Variants in MIA2 observed in about 807,000 individuals in gnomAD.
The protein encoded by MIA2 is melanoma inhibitory activity protein 2.
Under a neutral mutation model 167.8 loss-of-function variants are expected in MIA2, and 127 were observed. The observed-to-expected ratio is 0.76, with a 90% confidence interval of 0.66 to 0.88. The LOEUF (loss-of-function observed/expected upper bound fraction) is 0.88. MIA2 is among the 40% of genes least tolerant of loss of function. The pLI is 0.00. For synonymous variants in MIA2, 552 were observed against 541.9 expected (o/e 1.02, Z -0.26); for missense variants, 1,690 against 1,624.7 (o/e 1.04, Z -0.69).
intron 24 of MIA2, among the ~76,000 whole-genome samples, chr14:39,321,639 T>C (rs2066461582): frequency 6.6e-6 from 1 of 151,964 alleles, no homozygotes; most frequent in African/African-American, 2.4e-5. Flanking sequence ...TTTTAAACCA[T>C]ATTTTTGACT....
chr14:39,342,475 T>A (rs61398943), intron 25 of MIA2, among the ~76,000 whole-genome samples: 30,031 of 152,084 alleles, frequency 0.2, 2,974 homozygotes, highest in Middle Eastern at 0.28. Context: ...TAAACATATG[T>A]GTGCATGTGT....
intron 25 of MIA2, among the ~76,000 whole-genome samples, chr14:39,333,261 T>C (rs568069491): frequency 2.0e-5 from 3 of 152,336 alleles, no homozygotes; most frequent in African/African-American, 7.2e-5. Flanking sequence ...GATTCTATTC[T>C]ATTCCTCTAA....
chr14:39,307,390 ATTTTTTTTTTTTTTTT>A (rs373046158), intron 17 of MIA2, among the ~76,000 whole-genome samples: 1 of 67,484 alleles, frequency 1.5e-5, no homozygotes. Flanking sequence ...AGTTAAAAGA[ATTTTTTTTTTTTTTTT>A]TTTTTTTTTT....
At chr14:39,322,413 C>T (rs1204974598) in intron 24 of MIA2, among the ~76,000 whole-genome samples, 2 of 151,714 alleles carry the variant, frequency 1.3e-5, no homozygotes, top group East Asian at 1.9e-4. Context: ...TGGTGGTGGG[C>T]GCCTGTAGTC....
intron 24 of MIA2, among the ~76,000 whole-genome samples, chr14:39,323,901 T>A (rs985399862): frequency 6.6e-6 from 1 of 152,226 alleles, no homozygotes; most frequent in African/African-American, 2.4e-5. Context: ...ACCATTTGTT[T>A]AAAAAGCTAC....
intron 15 of MIA2, 62 bp downstream of exon 15, chr14:39,302,311 C>T (rs771625869): frequency 1.7e-4 from 271 of 1,576,346 alleles, no homozygotes; most frequent in Non-Finnish European, 2.2e-4. Context: ...ATTTCCTTTT[C>T]GTTCCCTGTG....
intron 23 of MIA2, among the ~76,000 whole-genome samples, chr14:39,371,227 C>A (rs1016170013): frequency 6.6e-6 from 1 of 151,784 alleles, no homozygotes; most frequent in Non-Finnish European, 1.5e-5. Context: ...TATTAAATAT[C>A]TTTATTTATT....
At chr14:39,321,480 A>AT (rs1346594331) in intron 24 of MIA2, among the ~76,000 whole-genome samples, 3 of 149,652 alleles carry the variant, frequency 2.0e-5, no homozygotes, top group African/African-American at 4.9e-5. Flanking sequence ...TGCCCGGCTA[A>AT]TTTTTTTTTG....
At chr14:39,235,914 C>T (rs1040916791) in intron 1 of MIA2, among the ~76,000 whole-genome samples, 18 of 151,998 alleles carry the variant, frequency 1.2e-4, no homozygotes, top group Non-Finnish European at 2.5e-4. Context: ...GTTATTTTAA[C>T]TTTAATTGCA....
chr14:39,359,491 T>C (rs963888445), intron 23 of MIA2, among the ~76,000 whole-genome samples: 1 of 152,208 alleles, frequency 6.6e-6, no homozygotes, highest in Non-Finnish European at 1.5e-5. Context: ...CCTGACTCCT[T>C]GCGCTTCCCA....
At chr14:39,295,205 G>C (rs971547732) in intron 13 of MIA2, among the ~76,000 whole-genome samples, 176 bp downstream of exon 13, 2 of 152,166 alleles carry the variant, frequency 1.3e-5, no homozygotes, top group African/African-American at 4.8e-5. Flanking sequence ...ATACAAAAGT[G>C]TATACTTTTG....
rs115064369 is a variant in MIA2 at position 39,338,489 on chromosome 14, T to A, written c.3656-7415T>A. On this transcript the variant is annotated intron_variant, in intron 25 of 28. Coordinates refer to ENST00000640607, the MANE Select transcript of MIA2 (RefSeq NM_001329214.4). ...TAACACTCAGATAAAGGGATAGTTTTCAGTTTGGTTTTTCATAAGTTTAAT... is the reference window on the plus strand; with the variant it reads ...TAACACTCAGATAAAGGGATAGTTTACAGTTTGGTTTTTCATAAGTTTAAT... Among the ~76,000 whole-genome samples the A allele has an allele frequency of 6.9e-3, 1,056 of 152,342 alleles. 9 individuals are homozygous for A. The highest frequency in any genetic ancestry group is 0.02 in the African/African-American group (820 of 41,576).
At position 39,253,055 on chromosome 14, in the gene MIA2, AT is replaced by A; in HGVS notation, c.1787-13del. ...TATAATATCATGCTAACATATTTTTATTTATAAATCAACAGAAGATGCTTCT... is the reference window on the plus strand; with the variant it reads ...TATAATATCATGCTAACATATTTTTATTATAAATCAACAGAAGATGCTTCT... On this transcript the variant is annotated splice_polypyrimidine_tract_variant and intron_variant, in intron 5 of 28. Coordinates refer to ENST00000640607, the MANE Select transcript of MIA2 (RefSeq NM_001329214.4). 6.4e-7 allele frequency: 1 copy of A among 1,573,546 alleles called. No homozygotes were observed. Among genetic ancestry groups the A allele is most frequent in the Non-Finnish European group, 8.6e-7 (1 of 1,157,822 alleles).
At chr14:39,295,108 C>T (rs1199821551) in intron 13 of MIA2, 79 bp downstream of exon 13, 1 of 969,236 alleles carries the variant, frequency 1.0e-6, no homozygotes, top group African/African-American at 1.6e-5. Context: ...CTGACCCATG[C>T]TAGGGACAAG....
chr14:39,286,042 TG>T (rs896873653), intron 9 of MIA2, among the ~76,000 whole-genome samples: 110 of 151,762 alleles, frequency 7.2e-4, no homozygotes, highest in African/African-American at 2.5e-3. Context: ...CCAGACGGGG[TG>T]GCGGCTGGGC....
chr14:39,265,546 C>T (rs2055468396), intron 6 of MIA2: 1 of 689,184 alleles, frequency 1.5e-6, no homozygotes, highest in Non-Finnish European at 2.4e-6. Context: ...TTCATTTTAT[C>T]CTCTGTCCTT....
In MIA2 at chr14:39,277,009, G is replaced by A. The variant is rs776576456; in HGVS notation, c.1963G>A (p.Ala655Thr). 5.0e-6 allele frequency: 8 copies of A among 1,613,846 alleles called. No individual in the cohort carries two copies. The Admixed American group carries it at 5.0e-5, about 10-fold the overall frequency. Residue 655 changes from alanine to threonine, a missense_variant, in exon 7 of 29, where the codon GCA becomes ACA. Physicochemically the swap from Ala to Thr is moderately conservative, Grantham distance 58. Transcript: ENST00000640607. ...TTTTCCATGGGAATTGGTGATATGT[G>A]CAGCTGTTGTTGGATTTTTTGCTGT... ...YGFPWELVIC[A>T]AVVGFFAVLF...
chr14:39,386,600 C>CT, intron 23 of MIA2: 1 of 1,066,754 alleles, frequency 9.4e-7, no homozygotes, highest in Non-Finnish European at 1.4e-6. Context: ...AGTGGGCTTT[C>CT]TTTTTTCTTT....
At chr14:39,279,145 A>C (rs1594939036) in intron 7 of MIA2, among the ~76,000 whole-genome samples, 192 bp from the exon 8 acceptor site, 1 of 131,770 alleles carries the variant, frequency 7.6e-6, no homozygotes, top group Admixed American at 8.3e-5. Context: ...TGGGAGACAG[A>C]GCAAGACTCT....
Sources: gnomAD v4.1 joint callset for allele counts (sites outside exome capture counted in the v4.1 genomes callset) on GRCh38, gnomAD v4.1.1 for gene constraint, MANE v1.5 for transcripts, NCBI Gene and HGNC (gene_info 2026-07-23, HGNC 2026-07-21) for gene names.